The following HECW2 variants were observed in gnomAD, a reference collection of about 807,000 sequenced individuals.
The protein encoded by HECW2 is HECT, C2 and WW domain containing E3 ubiquitin protein ligase 2, also known as E3 ubiquitin-protein ligase HECW2.
In HECW2, 61 loss-of-function variants were observed where a neutral mutation model predicts 175.2. That is an observed-to-expected ratio of 0.35 (90% CI 0.28 to 0.43). The LOEUF (loss-of-function observed/expected upper bound fraction) is 0.43, where lower values mean the gene tolerates loss of function less well. HECW2 is among the 20% of genes least tolerant of loss of function. The probability of loss-of-function intolerance (pLI) is 1.00; values close to 1 mark genes in which losing one functional copy is unlikely to be tolerated. For missense variants in HECW2, 1,524 were observed against 2,000.5 expected (o/e 0.76, Z 4.54); for synonymous variants, 671 against 731.0 (o/e 0.92, Z 1.32).
chr2:196,445,717 T>C (rs1235610446), intron 1 of HECW2, among the ~76,000 whole-genome samples: 2 of 152,162 alleles, frequency 1.3e-5, no homozygotes, highest in South Asian at 2.1e-4. Context: ...AAGAAAAGTC[T>C]AATGAGAAAA....
chr2:196,509,163 G>A (rs570320137), intron 1 of HECW2, among the ~76,000 whole-genome samples: 1 of 152,236 alleles, frequency 6.6e-6, no homozygotes, highest in South Asian at 2.1e-4. Context: ...TATTTTAAAG[G>A]CTACAAATGA....
chr2:196,587,589 T>C (rs1393186994), intron 1 of HECW2, among the ~76,000 whole-genome samples: 1 of 152,200 alleles, frequency 6.6e-6, no homozygotes, highest in Non-Finnish European at 1.5e-5. Flanking sequence ...ACTTATCTAG[T>C]TTTGTGAAAT....
chr2:196,457,010 T>C (rs981958029), intron 1 of HECW2, among the ~76,000 whole-genome samples: 2 of 152,212 alleles, frequency 1.3e-5, no homozygotes, highest in African/African-American at 2.4e-5. Context: ...TTCATATTCC[T>C]GTACCAAGCT....
At chr2:196,295,826 ATAAT>A (rs1272086642) in intron 13 of HECW2, among the ~76,000 whole-genome samples, 1 of 152,198 alleles carries the variant, frequency 6.6e-6, no homozygotes, top group Non-Finnish European at 1.5e-5. Context: ...GGCTGGTCTT[ATAAT>A]TAATTATGTC....
chr2:196,255,097 T>C (rs993483643), intron 18 of HECW2, among the ~76,000 whole-genome samples: 15 of 150,838 alleles, frequency 9.9e-5, no homozygotes, highest in African/African-American at 3.6e-4. Context: ...CTCAGCCTCT[T>C]GAGTAGCTGG....
At chr2:196,281,188 A>C (rs1157231998) in intron 14 of HECW2, among the ~76,000 whole-genome samples, 1 of 152,242 alleles carries the variant, frequency 6.6e-6, no homozygotes, top group Non-Finnish European at 1.5e-5. Flanking sequence ...AAAGCCTTGC[A>C]GTAGTGACTG....
intron 2 of HECW2, among the ~76,000 whole-genome samples, chr2:196,388,009 G>A (rs1694398519): frequency 6.6e-6 from 1 of 152,118 alleles, no homozygotes; most frequent in Non-Finnish European, 1.5e-5. Context: ...ACAATTTTGT[G>A]GCCAGAAACA....
intron 2 of HECW2, among the ~76,000 whole-genome samples, chr2:196,422,129 G>A (rs1451328554): frequency 1.3e-5 from 2 of 152,144 alleles, no homozygotes; most frequent in Non-Finnish European, 2.9e-5. Flanking sequence ...CTTGCAAAGT[G>A]TATTCCAAAG....
chr2:196,221,165 T>C (rs907308129), intron 24 of HECW2, among the ~76,000 whole-genome samples: 5 of 151,956 alleles, frequency 3.3e-5, no homozygotes, highest in Admixed American at 6.6e-5. Context: ...AGTATATATA[T>C]GTATTGCTGT....
chr2:196,286,764 T>C (rs1286186967), intron 14 of HECW2, among the ~76,000 whole-genome samples: 1 of 152,178 alleles, frequency 6.6e-6, no homozygotes, highest in African/African-American at 2.4e-5. Flanking sequence ...CCACAAGAGG[T>C]ATCAGTTGTT....
At chr2:196,490,336 C>T (rs1454889791) in intron 1 of HECW2, among the ~76,000 whole-genome samples, 2 of 152,174 alleles carry the variant, frequency 1.3e-5, no homozygotes, top group Non-Finnish European at 2.9e-5. Flanking sequence ...TCATCTTTCT[C>T]GTGAAATCAG....
chr2:196,312,991 T>C (rs1336062333), intron 10 of HECW2, among the ~76,000 whole-genome samples: 2 of 152,156 alleles, frequency 1.3e-5, no homozygotes, highest in Non-Finnish European at 1.5e-5. Flanking sequence ...TGTTCCCCCA[T>C]AGTTTGAACC....
In HECW2 at chr2:196,242,154, C is replaced by T. The variant is rs768772775; in HGVS notation, c.3580G>A (p.Glu1194Lys). 1.1e-5 allele frequency: 17 copies of T among 1,614,042 alleles called. No homozygotes were observed. Among genetic ancestry groups the T allele is most frequent in the Non-Finnish European group, 1.4e-5 (17 of 1,180,010 alleles). The change falls in exon 20 of 29, where the codon GAA becomes AAA. Residue 1194 changes from glutamate (E) to lysine (K), a missense_variant. Physicochemically the swap from Glu to Lys is moderately conservative, Grantham distance 56. Transcript: ENST00000644978. ...RAPAPYKRDF[E>K]AKLRNFYRKL... ...CTGTAAAAGTTCCTCAGTTTGGCTT[C>T]GAAATCCCGCTTGTAAGGGGCTGGA... is the stretch of plus-strand genomic sequence containing the variant.
chr2:196,347,314 C>A (rs1223917669), intron 2 of HECW2, among the ~76,000 whole-genome samples: 1 of 151,966 alleles, frequency 6.6e-6, no homozygotes, highest in Non-Finnish European at 1.5e-5. Flanking sequence ...CCTGCTTTGG[C>A]CTCCCAAAAT....
intron 2 of HECW2, among the ~76,000 whole-genome samples, chr2:196,394,224 A>G (rs1419150576): frequency 7.9e-5 from 12 of 152,206 alleles, no homozygotes; most frequent in Non-Finnish European, 1.3e-4. Flanking sequence ...TGGGTGCAGC[A>G]CACCAACATG....
intron 2 of HECW2, among the ~76,000 whole-genome samples, chr2:196,379,481 C>T (rs958333256): frequency 4.0e-5 from 6 of 151,866 alleles, no homozygotes; most frequent in Non-Finnish European, 7.4e-5. Context: ...GTCAGGAGAT[C>T]GAAACCATCC....
chr2:196,452,458 T>C (rs1238046028), intron 1 of HECW2, among the ~76,000 whole-genome samples: 1 of 152,182 alleles, frequency 6.6e-6, no homozygotes, highest in Non-Finnish European at 1.5e-5. Flanking sequence ...GACTTAAATT[T>C]TAACTCTTAA....
At chr2:196,515,607 C>A (rs1355200954) in intron 1 of HECW2, among the ~76,000 whole-genome samples, 2 of 152,172 alleles carry the variant, frequency 1.3e-5, no homozygotes, top group African/African-American at 4.8e-5. Context: ...GTATCAAACC[C>A]AGAAATCATT....
At chr2:196,305,000 T>A (rs1373980390) in intron 13 of HECW2, among the ~76,000 whole-genome samples, 1 of 152,236 alleles carries the variant, frequency 6.6e-6, no homozygotes, top group Non-Finnish European at 1.5e-5. Flanking sequence ...AAGCTCTTAA[T>A]CAGCCTTTAA....
Sources: gnomAD v4.1 joint callset for allele counts (sites outside exome capture counted in the v4.1 genomes callset) on GRCh38, gnomAD v4.1.1 for gene constraint, MANE v1.5 for transcripts, NCBI Gene and HGNC (gene_info 2026-07-23, HGNC 2026-07-21) for gene names.